Variants in CSMD1 observed in about 807,000 individuals in gnomAD.
CSMD1 encodes the protein CUB and sushi domain-containing protein 1.
In CSMD1, 213 loss-of-function variants were observed where a neutral mutation model predicts 417.5. The observed-to-expected ratio is 0.51, with a 90% CI of 0.46 to 0.57. The LOEUF is 0.57. Among genes scored for constraint, CSMD1 ranks in the 20% least tolerant of loss-of-function variants. The pLI is 0.00. For synonymous variants in CSMD1, 2,862 were observed against 1,736.8 expected (o/e 1.65, Z -16.11); for missense variants, 6,923 against 4,529.7 (o/e 1.53, Z -15.17).
intron 3 of CSMD1, among the ~76,000 whole-genome samples, chr8:4,305,355 G>A (rs151323863): frequency 6.6e-6 from 1 of 152,164 alleles, no homozygotes; most frequent in East Asian, 1.9e-4. Context: ...ACCCGAACTG[G>A]AATCTAAGGG....
Position 2,978,633 on chromosome 8 carries a change from G to T in CSMD1, c.8545C>A (p.Arg2849=), listed in dbSNP as rs1240780285. The T allele has an allele frequency of 6.3e-7, 1 of 1,597,464 alleles. No homozygotes were observed. The highest frequency in any genetic ancestry group is 1.7e-5 in the Admixed American group (1 of 57,628). Residue 2849 remains arginine, a synonymous_variant, in exon 55 of 70, where the codon CGA becomes AGA. Transcript: ENST00000635120. The part of the protein sequence containing the change: ...LTCMANGLWD[R]SLPKCLAISC... ...TTACCCAAACACTTGGGCAGGGATC[G>T]GTCCCATAAGCCATTTGCCATACAG...
At chr8:3,575,682 G>T (rs750754772) in intron 9 of CSMD1, among the ~76,000 whole-genome samples, 32 of 150,936 alleles carry the variant, frequency 2.1e-4, no homozygotes, top group Non-Finnish European at 4.0e-4. Flanking sequence ...AAAATTTATT[G>T]CAAGTTTAAA....
chr8:2,958,410 G>C (rs560855455), intron 62 of CSMD1, among the ~76,000 whole-genome samples: 12 of 152,308 alleles, frequency 7.9e-5, no homozygotes, highest in African/African-American at 2.9e-4. Flanking sequence ...ATCACATTCA[G>C]CTTGAATGCA....
chr8:3,276,050 C>G (rs565263026), intron 26 of CSMD1, among the ~76,000 whole-genome samples: 6 of 152,252 alleles, frequency 3.9e-5, no homozygotes, highest in East Asian at 1.9e-4. Context: ...TTTTCCCCAT[C>G]TTTGTGGTTT....
intron 25 of CSMD1, among the ~76,000 whole-genome samples, chr8:3,305,281 G>C (rs113581306): frequency 1.3e-5 from 2 of 152,140 alleles, no homozygotes; most frequent in African/African-American, 4.8e-5. Context: ...TGTCCCAACA[G>C]ATCAATAATC....
rs141597683 is a variant in CSMD1, at chr8:3,035,302, A to G, written c.7661-5789T>C. Among the ~76,000 whole-genome samples the G allele has an allele frequency of 5.4e-3, 817 of 152,266 alleles. 6 individuals are homozygous for G. Among genetic ancestry groups the G allele is most frequent in the Non-Finnish European group, 8.3e-3 (565 of 68,014 alleles). On this transcript the variant is annotated intron_variant, in intron 50 of 69. Coordinates refer to ENST00000635120, the MANE Select transcript of CSMD1 (RefSeq NM_033225.6). ...TTTCACATTGTGTATGTAATTGTAT[A>G]TGTAATTCTACTGTAAGCGGATCCT...
chr8:4,346,086 T>C (rs1303987496), intron 3 of CSMD1, among the ~76,000 whole-genome samples: 1 of 152,136 alleles, frequency 6.6e-6, no homozygotes, highest in African/African-American at 2.4e-5. Flanking sequence ...AATACGAAAG[T>C]ACTACAACTA....
At position 2,951,948 on chromosome 8, in the gene CSMD1, G is replaced by A. The variant is rs1046686192; in HGVS notation, c.10040-673C>T. Among the ~76,000 whole-genome samples the A allele has an allele frequency of 7.9e-5, 12 of 152,260 alleles. No individual in the cohort carries two copies. The East Asian group carries it at 2.3e-3, about 29-fold the overall frequency. On this transcript the variant is annotated intron_variant, in intron 65 of 69. Coordinates refer to ENST00000635120, the MANE Select transcript of CSMD1 (RefSeq NM_033225.6). Reference sequence around the variant, plus strand: ...CTTTTATACATGTCTTTTAAATTCAGTAATGAAAGGCAGTCTTTTTAAAGC... The same window carrying A: ...CTTTTATACATGTCTTTTAAATTCAATAATGAAAGGCAGTCTTTTTAAAGC...
At chr8:3,365,402 T>G (rs1809493648) in intron 20 of CSMD1, among the ~76,000 whole-genome samples, 1 of 152,206 alleles carries the variant, frequency 6.6e-6, no homozygotes, top group South Asian at 2.1e-4. Flanking sequence ...AAGACACTAT[T>G]TGATTTTACA....
chr8:3,711,296 T>A (rs1169610787), intron 6 of CSMD1, among the ~76,000 whole-genome samples: 1 of 152,102 alleles, frequency 6.6e-6, no homozygotes, highest in Admixed American at 6.5e-5. Flanking sequence ...ACCACAGGGA[T>A]CCTGGCATTG....
At chr8:3,538,768 C>G (rs1461835337) in intron 10 of CSMD1, among the ~76,000 whole-genome samples, 1 of 152,212 alleles carries the variant, frequency 6.6e-6, no homozygotes, top group African/African-American at 2.4e-5. Context: ...TACATGTATC[C>G]TACTCGGGAA....
At chr8:4,193,716 A>T (rs1799170700) in intron 3 of CSMD1, among the ~76,000 whole-genome samples, 1 of 152,166 alleles carries the variant, frequency 6.6e-6, no homozygotes, top group Non-Finnish European at 1.5e-5. Flanking sequence ...AAGGCGCAGG[A>T]ACCACGTCTC....
intron 5 of CSMD1, among the ~76,000 whole-genome samples, chr8:3,830,858 T>C (rs1169701550): frequency 6.6e-6 from 1 of 152,152 alleles, no homozygotes; most frequent in Admixed American, 6.5e-5. Flanking sequence ...CTAATGACAG[T>C]TTTAAGTGTG....
rs558377036 is a variant in CSMD1, at chr8:3,930,515, C to G, written c.818+67388G>C. Among the ~76,000 whole-genome samples, 249 of 150,566 alleles carry G rather than the reference C, an allele frequency of 1.7e-3. 8 individuals are homozygous for G. The highest frequency in any genetic ancestry group is 5.7e-3 in the African/African-American group (234 of 40,830). ...TTCCTCCTTCCTTTGTTCTCCTCTG[C>G]CTTTGCCTCTTTTCAAAAGTTCTAA... On this transcript the variant is annotated intron_variant, in intron 5 of 69. Transcript: ENST00000635120.
chr8:3,563,246 C>A lies in CSMD1; in HGVS notation c.1344+11699G>T, dbSNP rs183246744. 2.0e-3 allele frequency among the ~76,000 whole-genome samples: 305 copies of A among 151,398 alleles called. 9 individuals carry two copies. Among genetic ancestry groups the A allele is most frequent in the Non-Finnish European group, 1.8e-4 (12 of 67,882 alleles). On this transcript the variant is annotated intron_variant, in intron 10 of 69. Coordinates refer to ENST00000635120, the MANE Select transcript of CSMD1 (RefSeq NM_033225.6). ...TCTAAAGTGACATCTCCGCACAAAC[C>A]GGGATTTTAGTGACTTTTCTCACAC...
chr8:4,392,534 T>A (rs903932788), intron 3 of CSMD1, among the ~76,000 whole-genome samples: 10 of 152,082 alleles, frequency 6.6e-5, no homozygotes, highest in African/African-American at 2.2e-4. Context: ...GATGGGAGTG[T>A]CATTGGTCAC....
chr8:3,961,473 T>G (rs973145833), intron 5 of CSMD1, among the ~76,000 whole-genome samples: 1 of 152,284 alleles, frequency 6.6e-6, no homozygotes, highest in African/African-American at 2.4e-5. Flanking sequence ...AATGACATTT[T>G]AAAAGTCTAG....
intron 1 of CSMD1, among the ~76,000 whole-genome samples, chr8:4,763,975 C>A (rs144508697): frequency 6.6e-6 from 1 of 152,076 alleles, no homozygotes; most frequent in Non-Finnish European, 1.5e-5. Context: ...AAATATCAGA[C>A]CCTGATAGAA....
At chr8:4,441,127 G>C (rs3888304) in intron 2 of CSMD1, among the ~76,000 whole-genome samples, 2 of 55,132 alleles carry the variant, frequency 3.6e-5, no homozygotes, top group Non-Finnish European at 5.7e-5. Context: ...TTAAGAGATA[G>C]GGTCTCTGTC....
Sources: allele counts gnomAD v4.1 joint callset (sites outside exome capture counted in the v4.1 genomes callset), GRCh38; gene constraint gnomAD v4.1.1; transcripts MANE v1.5; gene names NCBI Gene and HGNC (gene_info 2026-07-23, HGNC 2026-07-21).